Variants in PTGR2 observed in about 807,000 individuals in gnomAD.
The protein encoded by PTGR2 is 15-oxoprostaglandin 13-reductase.
In PTGR2, 32 loss-of-function variants were observed where a neutral mutation model predicts 43.4. The observed-to-expected ratio is 0.74, with a 90% CI of 0.56 to 0.99. PTGR2 has a LOEUF of 0.99. Ranked by LOEUF, PTGR2 falls within the 50% of genes least tolerant of loss-of-function variation. PTGR2 has a pLI of 0.00. For synonymous variants in PTGR2, 106 were observed against 139.2 expected (o/e 0.76, Z 1.68); for missense variants, 373 against 420.0 (o/e 0.89, Z 0.98).
intron 3 of PTGR2, among the ~76,000 whole-genome samples, chr14:73,871,254 A>G (rs1049917824): frequency 1.4e-5 from 2 of 147,720 alleles, no homozygotes; most frequent in Non-Finnish European, 3.0e-5. Flanking sequence ...TGATTCCTGT[A>G]GGGTGGTGCA....
intron 4 of PTGR2, 128 bp from the exon 5 acceptor site, chr14:73,876,870 A>G: frequency 1.6e-6 from 1 of 620,592 alleles, no homozygotes; most frequent in Non-Finnish European, 2.8e-6. Context: ...ATAAAGTCAC[A>G]CTGGGGCTTA....
In PTGR2 at chr14:73,881,406, G is replaced by A. The variant is rs1195918809; in HGVS notation, c.939+114G>A. ...TTTCATTATAAAAATTCCTACAAAA[G>A]AAAAGTATGCTGAATATTATAAATT... is the stretch of plus-strand genomic sequence containing the variant. On this transcript the variant is annotated intron_variant, in intron 8 of 9. Coordinates refer to ENST00000555661, the MANE Select transcript of PTGR2 (RefSeq NM_001146154.2). 8.0e-6 allele frequency: 5 copies of A among 624,056 alleles called. No homozygotes were observed. In the Admixed American group the frequency reaches 1.3e-4, roughly 16 times the overall value. The allele number at this position is 624,056 out of a possible 1,614,324, so 38.7% of individuals were successfully genotyped here.
At chr14:73,855,288 G>T (rs956644394) in intron 1 of PTGR2, among the ~76,000 whole-genome samples, 12 of 152,144 alleles carry the variant, frequency 7.9e-5, no homozygotes, top group African/African-American at 2.9e-4. Context: ...TAGTGTTTAT[G>T]TTTAAATCTG....
chr14:73,858,879 T>G lies in PTGR2; in HGVS notation c.17T>G (p.Val6Gly). 6.2e-7 allele frequency: 1 copy of G among 1,611,604 alleles called. No homozygotes were observed. The highest frequency in any genetic ancestry group is 8.5e-7 in the Non-Finnish European group (1 of 1,178,498). MIVQR[V>G]VLNSRPGKNG... ...ACCAGAGCAATGATTGTTCAAAGAG[T>G]GGTATTGAATTCTCGACCTGGTATG... Residue 6 changes from valine (V) to glycine (G), a missense_variant, in exon 2 of 10, where the codon GTG (valine) becomes GGG (glycine). Coordinates refer to ENST00000555661, the MANE Select transcript of PTGR2 (RefSeq NM_001146154.2).
chr14:73,875,618 A>G (rs986598393), intron 4 of PTGR2, among the ~76,000 whole-genome samples: 2 of 152,156 alleles, frequency 1.3e-5, no homozygotes, highest in South Asian at 4.1e-4. Context: ...TGCTGGGATT[A>G]CAGGCGTGAG....
chr14:73,853,916 T>C (rs1189334045), intron 1 of PTGR2, among the ~76,000 whole-genome samples: 1 of 152,108 alleles, frequency 6.6e-6, no homozygotes, highest in East Asian at 1.9e-4. Context: ...TCGTCTGTTA[T>C]TATTTTGGAA....
chr14:73,881,259 G>A lies in PTGR2; in HGVS notation c.906G>A (p.Gln302=). Residue 302 remains glutamine, a synonymous_variant, in exon 8 of 10, where the codon CAG becomes CAA. Transcript: ENST00000555661. ...YKDKFEPGIL[Q]LSQWFKEGKL... ...ACAAATTTGAGCCTGGCATTCTACAGCTGAGTCAGTGGTTTAAAGAAGGAA... is the reference window on the plus strand; with the variant it reads ...ACAAATTTGAGCCTGGCATTCTACAACTGAGTCAGTGGTTTAAAGAAGGAA... 6.2e-7 allele frequency: 1 copy of A among 1,609,972 alleles called. No individual in the cohort carries two copies. Among genetic ancestry groups the A allele is most frequent in the Non-Finnish European group, 8.5e-7 (1 of 1,176,550 alleles).
At chr14:73,856,385 A>G (rs1006823027) in intron 1 of PTGR2, among the ~76,000 whole-genome samples, 4 of 151,314 alleles carry the variant, frequency 2.6e-5, no homozygotes, top group Non-Finnish European at 4.4e-5. Context: ...AGCTGGGACT[A>G]CAGGCATGGG....
At chr14:73,863,709 G>T (rs1446082479) in intron 3 of PTGR2, among the ~76,000 whole-genome samples, 1 of 151,514 alleles carries the variant, frequency 6.6e-6, no homozygotes, top group Non-Finnish European at 1.5e-5. Flanking sequence ...CCACCTCCTG[G>T]ATTCAAGAGA....
chr14:73,854,130 T>G (rs1341073338), intron 1 of PTGR2, among the ~76,000 whole-genome samples: 1 of 152,104 alleles, frequency 6.6e-6, no homozygotes, highest in African/African-American at 2.4e-5. Context: ...GAGACAAAGT[T>G]TCGCTCTTGT....
intron 3 of PTGR2, among the ~76,000 whole-genome samples, chr14:73,869,115 C>G (rs2054667951): frequency 6.6e-6 from 1 of 152,120 alleles, no homozygotes; most frequent in Non-Finnish European, 1.5e-5. Context: ...GGTAAATCAC[C>G]CTGAACCCTC....
At position 73,881,235 on chromosome 14, in the gene PTGR2, C is replaced by A; in HGVS notation, c.882C>A (p.Asp294Glu). Residue 294 changes from aspartate to glutamate, a missense_variant, in exon 8 of 10, where the codon GAC (aspartate) becomes GAA (glutamate). Coordinates refer to ENST00000555661, the MANE Select transcript of PTGR2 (RefSeq NM_001146154.2). ...RERFLVLNYK[D>E]KFEPGILQLS... ...GATTTCTGGTATTAAATTATAAAGA[C>A]AAATTTGAGCCTGGCATTCTACAGC... The A allele has an allele frequency of 6.2e-7, 1 of 1,610,032 alleles. No homozygotes were observed. The highest frequency in any genetic ancestry group is 1.1e-5 in the South Asian group (1 of 90,948).
Position 73,877,098 on chromosome 14 carries a change from TA to T in PTGR2, c.451del (p.Thr151LeufsTer28). ...ATTGGGATACAGGAAAAAGGTCATATAACTGCTGGATCTAATAAGACAATGG... is the reference window on the plus strand; with the variant it reads ...ATTGGGATACAGGAAAAAGGTCATATACTGCTGGATCTAATAAGACAATGG... ...SLIGIQEKGH[I>X]TAGSNKTMVV... is the part of the protein sequence containing the mutation. On this transcript the variant is annotated frameshift_variant, in exon 5 of 10. Transcript: ENST00000555661. 2.5e-6 allele frequency: 4 copies of T among 1,614,102 alleles called. No homozygotes were observed. Among genetic ancestry groups the T allele is most frequent in the South Asian group, 1.1e-5 (1 of 91,072 alleles).
At chr14:73,866,066 A>T (rs1363081279) in intron 3 of PTGR2, among the ~76,000 whole-genome samples, 4 of 149,706 alleles carry the variant, frequency 2.7e-5, no homozygotes, top group African/African-American at 9.9e-5. Flanking sequence ...CAGTGGCGCT[A>T]TCTTGGCTCA....
chr14:73,868,646 G>T (rs1280004829), intron 3 of PTGR2, among the ~76,000 whole-genome samples: 1 of 151,920 alleles, frequency 6.6e-6, no homozygotes, highest in East Asian at 1.9e-4. Context: ...AATCACCTCA[G>T]GGCCAGATGC....
intron 2 of PTGR2, among the ~76,000 whole-genome samples, chr14:73,859,279 G>A (rs1322487105): frequency 6.6e-6 from 1 of 152,028 alleles, no homozygotes; most frequent in Non-Finnish European, 1.5e-5. Context: ...TATCAGTGCT[G>A]ACATGTAAAC....
intron 3 of PTGR2, among the ~76,000 whole-genome samples, chr14:73,866,868 C>T (rs1002202933): frequency 5.3e-5 from 8 of 151,848 alleles, no homozygotes; most frequent in African/African-American, 1.7e-4. Flanking sequence ...GCGGGCAGAT[C>T]ACCTGAGGTC....
At chr14:73,856,701 T>G (rs2054355232) in intron 1 of PTGR2, among the ~76,000 whole-genome samples, 1 of 152,226 alleles carries the variant, frequency 6.6e-6, no homozygotes, top group African/African-American at 2.4e-5. Flanking sequence ...CTAAACCATA[T>G]CACCTAGGTG....
intron 4 of PTGR2, among the ~76,000 whole-genome samples, chr14:73,875,946 G>GA (rs2054853756): frequency 6.7e-6 from 1 of 148,510 alleles, no homozygotes; most frequent in South Asian, 2.1e-4. Context: ...TCAGCCTTCT[G>GA]AGTAGCTGGG....
Sources: gnomAD v4.1 joint callset for allele counts (sites outside exome capture counted in the v4.1 genomes callset) on GRCh38, gnomAD v4.1.1 for gene constraint, MANE v1.5 for transcripts, NCBI Gene and HGNC (gene_info 2026-07-23, HGNC 2026-07-21) for gene names.